Variants in PDS5A observed in about 807,000 individuals in gnomAD.
PDS5A encodes the protein sister chromatid cohesion protein PDS5 homolog A.
In PDS5A, 42 loss-of-function variants were observed where a neutral mutation model predicts 167.1. The observed-to-expected ratio is 0.25, with a 90% CI of 0.20 to 0.33. The LOEUF (loss-of-function observed/expected upper bound fraction) is 0.33. Among genes scored for constraint, PDS5A ranks in the 10% least tolerant of loss-of-function variants. The probability of loss-of-function intolerance (pLI) is 1.00; values close to 1 mark genes in which losing one functional copy is unlikely to be tolerated. For missense variants in PDS5A, 1,033 were observed against 1,605.9 expected (o/e 0.64, Z 6.10); for synonymous variants, 553 against 554.6 (o/e 1.00, Z 0.04).
chr4:39,856,729 T>C (rs1012874725), intron 26 of PDS5A, among the ~76,000 whole-genome samples: 1 of 151,988 alleles, frequency 6.6e-6, no homozygotes, highest in Non-Finnish European at 1.5e-5. Flanking sequence ...GGCAGGAGAA[T>C]TGCTTGAACC....
chr4:39,844,534 A>T, intron 30 of PDS5A, 122 bp downstream of exon 30: 1 of 698,928 alleles, frequency 1.4e-6, no homozygotes, highest in Non-Finnish European at 2.4e-6. Flanking sequence ...AAATTCATCA[A>T]TATTATTTTG....
At position 39,863,395 on chromosome 4, in the gene PDS5A, G is replaced by A; in HGVS notation, c.2707C>T (p.Pro903Ser). 1 of 1,609,638 alleles carries A rather than the reference G, an allele frequency of 6.2e-7. No homozygotes were observed. Among genetic ancestry groups the A allele is most frequent in the Non-Finnish European group, 8.5e-7 (1 of 1,176,474 alleles). ...GGGGTAATAATTTCATGGTAACAAG[G>A]TTCCTGAGCAAGCTTCATTATGGCA... ...GSAIMKLAQE[P>S]CYHEIITPEQ... The change falls in exon 24 of 33, where the codon CCT (proline) becomes TCT (serine). Residue 903 changes from proline (P) to serine (S), a missense_variant. By Grantham distance (74) the Pro-to-Ser change is moderately conservative (BLOSUM62 -1). Transcript: ENST00000303538.
chr4:39,926,757 A>C lies in PDS5A; in HGVS notation c.429+18T>G. The stretch of plus-strand genomic sequence containing the variant: ...TGTGAAATAATGTTAATAGTTATTA[A>C]AGTTTTTTTTTTTTTACCTCTAATA... On this transcript the variant is annotated intron_variant, in intron 4 of 32. Transcript: ENST00000303538. The C allele has an allele frequency of 7.7e-7, 1 of 1,291,214 alleles. No individual in the cohort carries two copies. Among genetic ancestry groups the C allele is most frequent in the Non-Finnish European group, 1.0e-6 (1 of 970,460 alleles). The allele number at this position is 1,291,214 out of a possible 1,614,324, so 80.0% of individuals were successfully genotyped here. A position where few individuals can be genotyped will look rare whatever the true frequency, so the allele number is the denominator to read the frequency against.
At chr4:39,866,704 T>C (rs1158106711) in intron 23 of PDS5A, among the ~76,000 whole-genome samples, 157 bp downstream of exon 23, 2 of 152,202 alleles carry the variant, frequency 1.3e-5, no homozygotes, top group Non-Finnish European at 2.9e-5. Flanking sequence ...AAAATAACAA[T>C]ACTGACAGAC....
chr4:39,876,303 T>A (rs150654907), intron 19 of PDS5A, among the ~76,000 whole-genome samples: 2 of 152,176 alleles, frequency 1.3e-5, no homozygotes, highest in Admixed American at 1.3e-4. Flanking sequence ...GCCAGAACAA[T>A]GCGGAGAATG....
Position 39,838,180 on chromosome 4 carries a change from C to A in PDS5A, c.3686G>T (p.Gly1229Val), listed in dbSNP as rs776990981. The change falls in exon 32 of 33, where the codon GGC becomes GTC. Residue 1229 changes from glycine (G) to valine (V), a missense_variant. By Grantham distance (109) the Gly-to-Val change is moderately radical (BLOSUM62 -3). Transcript: ENST00000303538. ...CTTTCCTCGGTCACTGCTGATGTTG[C>A]CCTGGGTAGCCTGATCAGAATTAAT... ...KEINSDQATQGNISSDRGKKR... is the reference protein window; with the variant it reads ...KEINSDQATQVNISSDRGKKR... The A allele has an allele frequency of 1.8e-5, 29 of 1,591,108 alleles. No individual in the cohort carries two copies. In the East Asian group the frequency reaches 6.3e-4, roughly 34 times the overall value.
intron 32 of PDS5A, among the ~76,000 whole-genome samples, chr4:39,831,920 G>A (rs1715929788): frequency 7.1e-6 from 1 of 140,544 alleles, no homozygotes; most frequent in African/African-American, 2.6e-5. Flanking sequence ...TTAGGGGTCT[G>A]GCTGCCCAAC....
Position 39,833,926 on chromosome 4 carries a change from C to T in PDS5A, c.4010+3930G>A, listed in dbSNP as rs181071082. Among the ~76,000 whole-genome samples the T allele has an allele frequency of 9.2e-4, 140 of 152,312 alleles. No individual in the cohort carries two copies. In the Middle Eastern group the frequency reaches 0.02, roughly 22 times the overall value. On this transcript the variant is annotated intron_variant, in intron 32 of 32. Transcript: ENST00000303538. ...TTAAAACCCTTTGCACCCAGATCAG[C>T]TGTAGACAAGAGCAGAGCTTTGGAT...
chr4:39,878,933 G>C (rs938576842), intron 18 of PDS5A, among the ~76,000 whole-genome samples: 1 of 152,008 alleles, frequency 6.6e-6, no homozygotes, highest in Non-Finnish European at 1.5e-5. Context: ...TAGTAGAGAC[G>C]GGGTTTCCCC....
At chr4:39,904,682 T>C (rs541915460) in intron 11 of PDS5A, among the ~76,000 whole-genome samples, 20 of 152,334 alleles carry the variant, frequency 1.3e-4, no homozygotes, top group African/African-American at 3.8e-4. Flanking sequence ...AATGCAAATA[T>C]TGCTAAATGA....
In PDS5A at chr4:39,901,379, G is replaced by A. The variant is rs190561834; in HGVS notation, c.1500-872C>T. Among the ~76,000 whole-genome samples, 12 of 147,414 alleles carry A rather than the reference G, an allele frequency of 8.1e-5. No individual in the cohort carries two copies. The East Asian group carries it at 2.0e-3, about 25-fold the overall frequency. ...GCCTCCTGGGTTCAAGCAATTCTCC[G>A]GCCTCAGCCTCCCTAGTAGCTGGGA... On this transcript the variant is annotated intron_variant, in intron 13 of 32. Coordinates refer to ENST00000303538, the MANE Select transcript of PDS5A (RefSeq NM_001100399.2).
At chr4:39,963,859 G>A (rs1322311037) in intron 2 of PDS5A, among the ~76,000 whole-genome samples, 5 of 151,754 alleles carry the variant, frequency 3.3e-5, no homozygotes, top group African/African-American at 4.8e-5. Context: ...GGGGGAGAGG[G>A]AGCGTCAAGA....
At chr4:39,878,896 AC>A (rs1720704981) in intron 18 of PDS5A, among the ~76,000 whole-genome samples, 1 of 152,038 alleles carries the variant, frequency 6.6e-6, no homozygotes, top group Non-Finnish European at 1.5e-5. Context: ...GGCGTGTGCC[AC>A]CACGTCTACC....
At chr4:39,875,702 A>G (rs1273874172) in intron 19 of PDS5A, among the ~76,000 whole-genome samples, 3 of 152,168 alleles carry the variant, frequency 2.0e-5, no homozygotes, top group Non-Finnish European at 2.9e-5. Flanking sequence ...ATGACCAAAC[A>G]GACTTCCTTG....
rs76085211 is a variant in PDS5A at position 39,855,799 on chromosome 4, A to C, written c.3087-6147T>G. Among the ~76,000 whole-genome samples the C allele has an allele frequency of 4.4e-3, 677 of 152,322 alleles. 8 individuals are homozygous for C. The highest frequency in any genetic ancestry group is 0.015 in the African/African-American group (641 of 41,560). ...AATTGAAAATACTCAGTCTGAACAG[A>C]AAGAAAAGAGAATGAAGAAAAACAA... On this transcript the variant is annotated intron_variant, in intron 26 of 32. Transcript: ENST00000303538.
At chr4:39,973,399 T>C (rs1391038740) in intron 2 of PDS5A, 4 of 1,583,964 alleles carry the variant, frequency 2.5e-6, no homozygotes, top group Non-Finnish European at 3.5e-6. Context: ...TCCCGCAGCA[T>C]ATTTATACTG....
At chr4:39,974,231 G>A (rs1730860054) in intron 2 of PDS5A, 3 of 562,856 alleles carry the variant, frequency 5.3e-6, no homozygotes, top group African/African-American at 3.8e-5. Flanking sequence ...ATTCCAATAT[G>A]CCAGGTGCTA....
At chr4:39,970,790 C>CTTTTTTTTTTT (rs35223238) in intron 2 of PDS5A, among the ~76,000 whole-genome samples, 5 of 88,496 alleles carry the variant, frequency 5.6e-5, no homozygotes, top group Admixed American at 1.6e-4. Context: ...CCGCTTGTTC[C>CTTTTTTTTTTT]TTTTTTTTTT....
At chr4:39,850,597 G>A (rs1718043649) in intron 26 of PDS5A, among the ~76,000 whole-genome samples, 1 of 152,204 alleles carries the variant, frequency 6.6e-6, no homozygotes, top group African/African-American at 2.4e-5. Flanking sequence ...AAGCTATGCA[G>A]AAGTTCTACA....
Sources: gnomAD v4.1 joint callset for allele counts (sites outside exome capture counted in the v4.1 genomes callset) on GRCh38, gnomAD v4.1.1 for gene constraint, MANE v1.5 for transcripts, NCBI Gene and HGNC (gene_info 2026-07-23, HGNC 2026-07-21) for gene names.